The following TJP2 variants were observed in gnomAD, a reference collection of about 807,000 sequenced individuals.
TJP2 encodes the protein tight junction protein 2.
Under a neutral mutation model 133.1 loss-of-function variants are expected in TJP2, and 91 were observed. The observed-to-expected ratio is 0.68, with a 90% CI of 0.58 to 0.81. The LOEUF (loss-of-function observed/expected upper bound fraction) is 0.81, where lower values mean the gene tolerates loss of function less well. TJP2 is among the 40% of genes least tolerant of loss of function. The pLI is 0.00. For synonymous variants in TJP2, 592 were observed against 583.4 expected (o/e 1.01, Z -0.21); for missense variants, 1,541 against 1,565.6 (o/e 0.98, Z 0.26).
chr9:69,160,140 T>C (rs577866123), intron 2 of TJP2, among the ~76,000 whole-genome samples: 110 of 152,284 alleles, frequency 7.2e-4, no homozygotes, highest in African/African-American at 2.5e-3. Flanking sequence ...AACACTCTGC[T>C]TATGTGATTT....
chr9:69,148,203 C>T (rs1389349018), intron 1 of TJP2, among the ~76,000 whole-genome samples: 2 of 149,562 alleles, frequency 1.3e-5, no homozygotes, highest in Non-Finnish European at 3.0e-5. Context: ...GGATTACAGG[C>T]ATGAGCCACT....
chr9:69,214,375 C>T (rs1457946699), intron 2 of TJP2, among the ~76,000 whole-genome samples: 12 of 152,066 alleles, frequency 7.9e-5, no homozygotes, highest in Non-Finnish European at 7.4e-5. Context: ...TGTGAGCCAC[C>T]GCACCTGGCC....
At chr9:69,201,017 G>GGA (rs1385008448) in intron 1 of TJP2, among the ~76,000 whole-genome samples, 1 of 152,132 alleles carries the variant, frequency 6.6e-6, no homozygotes, top group Non-Finnish European at 1.5e-5. Flanking sequence ...AAGTACTCAG[G>GGA]GAGTATATGT....
chr9:69,239,738 C>T (rs1264714430), intron 16 of TJP2, among the ~76,000 whole-genome samples, 199 bp from the exon 17 acceptor site: 9 of 151,544 alleles, frequency 5.9e-5, no homozygotes, highest in Admixed American at 6.6e-5. Flanking sequence ...TGCTTGAACC[C>T]GGGAGGCGGA....
Position 69,229,782 on chromosome 9 carries a change from T to C in TJP2, c.1521-300T>C, listed in dbSNP as rs547628150. On this transcript the variant is annotated intron_variant, in intron 10 of 22. Coordinates refer to ENST00000377245, the MANE Select transcript of TJP2 (RefSeq NM_004817.4). ...AGAATGCAGTGCAAGCGGGCCTTCC[T>C]TTGGAAGAATTTTAGCCCTAACTCT... Among the ~76,000 whole-genome samples the C allele has an allele frequency of 2.0e-5, 3 of 152,342 alleles. No homozygotes were observed. The East Asian group carries it at 5.8e-4, about 29-fold the overall frequency.
chr9:69,151,798 A>G, intron 2 of TJP2: 7 of 1,231,954 alleles, frequency 5.7e-6, no homozygotes, highest in Non-Finnish European at 7.1e-6. Context: ...TCTCTCATCA[A>G]CCTAGTTACT....
chr9:69,121,307 C>A, upstream of TJP2: 2 of 985,392 alleles, frequency 2.0e-6, no homozygotes, highest in Non-Finnish European at 2.4e-6. Flanking sequence ...GCGCTGCGAG[C>A]AGCTGCGTCT....
In TJP2 at chr9:69,236,165, G is replaced by A. The variant is rs747962817; in HGVS notation, c.1918G>A (p.Gly640Ser). ...CCGAGTGGTAGACACACTGTATGAC[G>A]GCAAGCTGGGCAACTGGCTGGCTGT... ...VFRVVDTLYD[G>S]KLGNWLAVRI... The change falls in exon 13 of 23, where the codon GGC becomes AGC. Residue 640 changes from glycine to serine, a missense_variant. Coordinates refer to ENST00000377245, the MANE Select transcript of TJP2 (RefSeq NM_004817.4). The A allele has an allele frequency of 2.5e-5, 40 of 1,614,032 alleles. 1 individual carries two copies. The highest frequency in any genetic ancestry group is 1.6e-4 in the Middle Eastern group (1 of 6,084).
intron 1 of TJP2, among the ~76,000 whole-genome samples, chr9:69,185,851 A>C (rs1825819820): frequency 6.8e-6 from 1 of 147,362 alleles, no homozygotes; most frequent in East Asian, 2.0e-4. Flanking sequence ...TTATAAGTTT[A>C]TTTTATGAAA....
At chr9:69,202,787 G>A (rs1827090687) in intron 1 of TJP2, among the ~76,000 whole-genome samples, 1 of 151,880 alleles carries the variant, frequency 6.6e-6, no homozygotes, top group Admixed American at 6.6e-5. Context: ...GGGAGGCAGG[G>A]GAGGCAGGCA....
intron 9 of TJP2, among the ~76,000 whole-genome samples, chr9:69,228,663 A>G (rs1563935705): frequency 6.6e-6 from 1 of 152,218 alleles, no homozygotes; most frequent in Non-Finnish European, 1.5e-5. Flanking sequence ...CTGAAAGGGA[A>G]GAAGGAAATA....
intron 10 of TJP2, among the ~76,000 whole-genome samples, chr9:69,229,481 A>G (rs1829605814): frequency 1.3e-5 from 2 of 152,200 alleles, no homozygotes; most frequent in Non-Finnish European, 2.9e-5. Context: ...TTACCTACCT[A>G]TCTAGCTACC....
At chr9:69,205,333 G>GA in intron 1 of TJP2, 1 of 1,520,558 alleles carries the variant, frequency 6.6e-7, no homozygotes, top group Non-Finnish European at 8.8e-7. Context: ...TTTATCCTCA[G>GA]ATTGATTTGT....
Position 69,229,211 on chromosome 9 carries a change from C to A in TJP2, c.1481C>A (p.Thr494Asn), listed in dbSNP as rs1207392864. 1 of 1,614,174 alleles carries A rather than the reference C, an allele frequency of 6.2e-7. No homozygotes were observed. Among genetic ancestry groups the A allele is most frequent in the Non-Finnish European group, 8.5e-7 (1 of 1,180,018 alleles). The change falls in exon 10 of 23, where the codon ACT (threonine) becomes AAT (asparagine). Residue 494 changes from threonine (T) to asparagine (N), a missense_variant. Transcript: ENST00000377245. ...CCTCAACCAAAAGCAGCCCCGAGAA[C>A]TTTTCTTCGTCCTAGTCCTGAAGAT... is the stretch of plus-strand genomic sequence containing the variant. ...PAPQPKAAPR[T>N]FLRPSPEDEA...
chr9:69,206,090 GA>G (rs1264686732), intron 1 of TJP2, among the ~76,000 whole-genome samples: 1 of 152,058 alleles, frequency 6.6e-6, no homozygotes, highest in African/African-American at 2.4e-5. Flanking sequence ...GTTTATGGTA[GA>G]AAAGTTAGCT....
intron 1 of TJP2, among the ~76,000 whole-genome samples, chr9:69,194,583 C>T (rs1170633537): frequency 6.6e-6 from 1 of 152,122 alleles, no homozygotes; most frequent in East Asian, 1.9e-4. Context: ...TGTTCAGTAG[C>T]CACATGTGGC....
chr9:69,176,029 A>G (rs1825058632), intron 1 of TJP2, among the ~76,000 whole-genome samples: 1 of 152,134 alleles, frequency 6.6e-6, no homozygotes, highest in South Asian at 2.1e-4. Context: ...TGGACCTGAA[A>G]CTGTTAGACT....
rs781334233 is a variant in TJP2 at position 69,221,036 on chromosome 9, T to TG, written c.498dup (p.Arg167AlafsTer16). 1.2e-6 allele frequency: 2 copies of TG among 1,607,876 alleles called. No individual in the cohort carries two copies. The highest frequency in any genetic ancestry group is 1.7e-6 in the Non-Finnish European group (2 of 1,177,970). Reference sequence around the variant, plus strand: ...GCGAGAGGAGCCGGCTGAACAGCCATGGGGGGCGCAGCCGCAGCTGGGAGG... The same window carrying TG: ...GCGAGAGGAGCCGGCTGAACAGCCATGGGGGGGCGCAGCCGCAGCTGGGAGG... On this transcript the variant is annotated frameshift_variant, in exon 5 of 23. Transcript: ENST00000377245. LOFTEE classifies it high-confidence loss of function.
At chr9:69,241,047 TG>T (rs1830549374) in intron 17 of TJP2, among the ~76,000 whole-genome samples, 1 of 152,142 alleles carries the variant, frequency 6.6e-6, no homozygotes, top group African/African-American at 2.4e-5. Context: ...GGCCAAGACT[TG>T]GTAGTTGTTA....
Sources: gnomAD v4.1 joint callset for allele counts (sites outside exome capture counted in the v4.1 genomes callset) on GRCh38, gnomAD v4.1.1 for gene constraint, MANE v1.5 for transcripts, NCBI Gene and HGNC (gene_info 2026-07-23, HGNC 2026-07-21) for gene names.